DENND1A: variants seen among roughly 807,000 people sequenced by gnomAD.
DENND1A encodes the protein DENN domain-containing protein 1A.
DENND1A carries 51 observed loss-of-function variants against 113.7 expected under a neutral mutation model. That is an observed-to-expected ratio of 0.45 (90% CI 0.36 to 0.57). The LOEUF (loss-of-function observed/expected upper bound fraction) is 0.57, where lower values mean the gene tolerates loss of function less well. Ranked by LOEUF, DENND1A falls within the 20% of genes least tolerant of loss-of-function variation. The pLI, the probability that DENND1A is intolerant of heterozygous loss-of-function variation, is 0.00. For synonymous variants in DENND1A, 565 were observed against 570.8 expected, an observed-to-expected ratio of 0.99 and a Z score of 0.14; for missense variants, 1,258 against 1,395.9, an observed-to-expected ratio of 0.90 and a Z score of 1.57.
chr9:123,894,520 T>A (rs369169764), intron 1 of DENND1A, among the ~76,000 whole-genome samples: 4 of 152,294 alleles, frequency 2.6e-5, no homozygotes, highest in African/African-American at 9.6e-5. Context: ...AACAAAATGC[T>A]GTGGGTTTGC....
chr9:123,597,110 T>A (rs1407768883), intron 11 of DENND1A, among the ~76,000 whole-genome samples: 1 of 152,210 alleles, frequency 6.6e-6, no homozygotes, highest in East Asian at 1.9e-4. Flanking sequence ...CCCACACAAC[T>A]GCCACTTGCC....
chr9:123,913,830 G>C (rs779701676), intron 1 of DENND1A, among the ~76,000 whole-genome samples: 1 of 151,272 alleles, frequency 6.6e-6, no homozygotes, highest in Non-Finnish European at 1.5e-5. Flanking sequence ...GCTTGAACTC[G>C]GGAGGCGGAG....
chr9:123,771,866 T>C (rs1295319705), intron 3 of DENND1A, among the ~76,000 whole-genome samples: 3 of 146,384 alleles, frequency 2.0e-5, no homozygotes, highest in African/African-American at 7.6e-5. Context: ...AGCAATAGGA[T>C]GGGGGGAGGG....
intron 5 of DENND1A, among the ~76,000 whole-genome samples, chr9:123,707,362 C>G (rs2066290479): frequency 6.6e-6 from 1 of 151,616 alleles, no homozygotes; most frequent in Non-Finnish European, 1.5e-5. Flanking sequence ...CCATTGCACT[C>G]CAGCCTGGGG....
chr9:123,602,174 T>C (rs1018231325), intron 11 of DENND1A, among the ~76,000 whole-genome samples: 1 of 152,208 alleles, frequency 6.6e-6, no homozygotes, highest in Non-Finnish European at 1.5e-5. Context: ...CCAAAGGGTA[T>C]AATGTTTGCA....
intron 13 of DENND1A, among the ~76,000 whole-genome samples, chr9:123,461,344 T>C (rs2048507025): frequency 6.6e-6 from 1 of 152,202 alleles, no homozygotes; most frequent in African/African-American, 2.4e-5. Flanking sequence ...GCCCAGCCCC[T>C]AATCAGAAGC....
chr9:123,809,811 C>T (rs1056346494), intron 2 of DENND1A, among the ~76,000 whole-genome samples: 1 of 152,176 alleles, frequency 6.6e-6, no homozygotes, highest in Non-Finnish European at 1.5e-5. Flanking sequence ...GCTGGGATTA[C>T]AGGCATGCAC....
intron 21 of DENND1A, among the ~76,000 whole-genome samples, chr9:123,395,257 GA>G (rs2043054677): frequency 6.6e-6 from 1 of 152,050 alleles, no homozygotes. Flanking sequence ...CAGCTCCTGG[GA>G]AAAGTCCTTC....
chr9:123,521,404 C>G (rs2054383900), intron 13 of DENND1A, among the ~76,000 whole-genome samples: 1 of 152,152 alleles, frequency 6.6e-6, no homozygotes, highest in African/African-American at 2.4e-5. Flanking sequence ...CCTATTGTTA[C>G]AACTTTGGGC....
At chr9:123,913,828 T>C (rs1588219510) in intron 1 of DENND1A, among the ~76,000 whole-genome samples, 2 of 149,130 alleles carry the variant, frequency 1.3e-5, no homozygotes, top group Admixed American at 1.3e-4. Context: ...TCGCTTGAAC[T>C]CGGGAGGCGG....
chr9:123,671,507 A>G, intron 6 of DENND1A, 136 bp from the exon 7 acceptor site: 2 of 796,250 alleles, frequency 2.5e-6, no homozygotes, highest in Non-Finnish European at 4.0e-6. Context: ...TTTGATATTC[A>G]TGTAGGGTTT....
intron 9 of DENND1A, among the ~76,000 whole-genome samples, chr9:123,631,835 A>G (rs2061488396): frequency 6.6e-6 from 1 of 152,230 alleles, no homozygotes; most frequent in Non-Finnish European, 1.5e-5. Flanking sequence ...AAGATACTAC[A>G]AAGGGATACA....
At chr9:123,829,712 C>T (rs1210448933) in intron 2 of DENND1A, among the ~76,000 whole-genome samples, 1 of 152,034 alleles carries the variant, frequency 6.6e-6, no homozygotes, top group Non-Finnish European at 1.5e-5. Context: ...CTATTAAATA[C>T]AGGGAACACA....
At chr9:123,615,204 C>G (rs1382894813) in intron 10 of DENND1A, among the ~76,000 whole-genome samples, 1 of 152,226 alleles carries the variant, frequency 6.6e-6, no homozygotes, top group Non-Finnish European at 1.5e-5. Flanking sequence ...AAGGCATTTT[C>G]CTCATTAGAT....
intron 11 of DENND1A, among the ~76,000 whole-genome samples, chr9:123,596,494 GAAC>G (rs1419006383): frequency 1.3e-5 from 2 of 152,180 alleles, no homozygotes; most frequent in Non-Finnish European, 2.9e-5. Flanking sequence ...TTTTACAGAA[GAAC>G]AACCTGAAGC....
At chr9:123,699,391 A>C (rs2065732653) in intron 5 of DENND1A, among the ~76,000 whole-genome samples, 1 of 152,152 alleles carries the variant, frequency 6.6e-6, no homozygotes, top group African/African-American at 2.4e-5. Flanking sequence ...AGTTATCTGT[A>C]TATTACATAT....
intron 13 of DENND1A, among the ~76,000 whole-genome samples, chr9:123,520,147 C>CA (rs777054330): frequency 0.024 from 909 of 37,146 alleles, 99 homozygotes; most frequent in East Asian, 0.11. Context: ...GATCCTGTCT[C>CA]AAAAAAAAAA....
chr9:123,557,110 G>A (rs909835794), intron 13 of DENND1A, among the ~76,000 whole-genome samples: 8 of 152,246 alleles, frequency 5.3e-5, no homozygotes, highest in Non-Finnish European at 7.3e-5. Flanking sequence ...GAGCGGTCCC[G>A]TGAAAGAACA....
chr9:123,507,814 G>A (rs1013197276), intron 13 of DENND1A, among the ~76,000 whole-genome samples: 1 of 149,852 alleles, frequency 6.7e-6, no homozygotes, highest in African/African-American at 2.5e-5. Context: ...ATGGGAGTGA[G>A]AACCTATCTC....
Sources: gnomAD v4.1 joint callset for allele counts (sites outside exome capture counted in the v4.1 genomes callset) on GRCh38, gnomAD v4.1.1 for gene constraint, MANE v1.5 for transcripts, NCBI Gene and HGNC (gene_info 2026-07-23, HGNC 2026-07-21) for gene names.